Variants in MAPKAP1 observed in about 807,000 individuals in gnomAD.
MAPKAP1 encodes the protein target of rapamycin complex 2 subunit MAPKAP1.
A neutral mutation model predicts 65.7 loss-of-function variants in MAPKAP1; 20 were observed. The observed-to-expected ratio is 0.30, with a 90% CI of 0.21 to 0.44. MAPKAP1 has a LOEUF of 0.44. Ranked by LOEUF, MAPKAP1 falls within the 20% of genes least tolerant of loss-of-function variation. The pLI is 1.00. For missense variants in MAPKAP1, 423 were observed against 648.0 expected (o/e 0.65, Z 3.77); for synonymous variants, 222 against 244.3 (o/e 0.91, Z 0.85).
At chr9:125,509,616 A>C (rs999749047) in intron 7 of MAPKAP1, among the ~76,000 whole-genome samples, 3 of 152,206 alleles carry the variant, frequency 2.0e-5, no homozygotes, top group Admixed American at 2.0e-4. Flanking sequence ...TTTCATGTGA[A>C]GCAACCGTGC....
At chr9:125,703,879 GC>G (rs1474727941) in intron 1 of MAPKAP1, among the ~76,000 whole-genome samples, 2 of 151,796 alleles carry the variant, frequency 1.3e-5, no homozygotes, top group Admixed American at 6.6e-5. Flanking sequence ...ATAACAGATT[GC>G]CAGCAAATTA....
At chr9:125,509,027 A>C (rs376139168) in intron 7 of MAPKAP1, among the ~76,000 whole-genome samples, 2 of 152,066 alleles carry the variant, frequency 1.3e-5, no homozygotes, top group East Asian at 3.8e-4. Context: ...AATTATAATT[A>C]TAAAAATACA....
intron 7 of MAPKAP1, among the ~76,000 whole-genome samples, chr9:125,509,530 T>C (rs1417040715): frequency 1.3e-5 from 2 of 152,216 alleles, no homozygotes; most frequent in African/African-American, 2.4e-5. Context: ...TTAGCACACA[T>C]TGTGGCATCT....
chr9:125,508,036 C>T (rs1287538751), intron 7 of MAPKAP1, among the ~76,000 whole-genome samples: 2 of 151,934 alleles, frequency 1.3e-5, no homozygotes, highest in Non-Finnish European at 2.9e-5. Flanking sequence ...CATGGTGGTG[C>T]GCACCTGTAG....
intron 8 of MAPKAP1, among the ~76,000 whole-genome samples, chr9:125,503,907 T>A: frequency 9.5e-6 from 1 of 104,768 alleles, no homozygotes; most frequent in African/African-American, 3.2e-5. Context: ...TTTTTTTTTT[T>A]TGTATTTTTG....
chr9:125,465,656 C>T (rs916635391), intron 10 of MAPKAP1, among the ~76,000 whole-genome samples: 1 of 152,210 alleles, frequency 6.6e-6, no homozygotes, highest in Admixed American at 6.5e-5. Flanking sequence ...ACTCTGCAGG[C>T]TCCGTGCTAG....
intron 8 of MAPKAP1, among the ~76,000 whole-genome samples, chr9:125,486,619 A>G (rs1419316296): frequency 1.3e-5 from 2 of 152,188 alleles, no homozygotes; most frequent in African/African-American, 4.8e-5. Context: ...ATCATTTATT[A>G]GGAAATTTGT....
At chr9:125,544,440 T>A (rs1161931378) in intron 6 of MAPKAP1, among the ~76,000 whole-genome samples, 1 of 152,078 alleles carries the variant, frequency 6.6e-6, no homozygotes, top group Non-Finnish European at 1.5e-5. Flanking sequence ...AAGCTTCCAA[T>A]TAATCAAACT....
At chr9:125,600,943 A>G (rs1832282393) in intron 4 of MAPKAP1, among the ~76,000 whole-genome samples, 1 of 152,344 alleles carries the variant, frequency 6.6e-6, no homozygotes, top group South Asian at 2.1e-4. Context: ...CACAGAGCAT[A>G]AGTTTAGGGA....
At chr9:125,636,153 T>TG (rs751534027) in intron 4 of MAPKAP1, among the ~76,000 whole-genome samples, 138 of 152,254 alleles carry the variant, frequency 9.1e-4, no homozygotes, top group Non-Finnish European at 1.1e-3. Flanking sequence ...GAGTGAACCC[T>TG]GGGGAACTGC....
intron 10 of MAPKAP1, 147 bp from the exon 11 acceptor site, chr9:125,444,745 C>A: frequency 1.8e-6 from 1 of 562,514 alleles, no homozygotes; most frequent in Non-Finnish European, 3.1e-6. Flanking sequence ...TTCGTTTTCT[C>A]ATTACAGGCT....
In MAPKAP1 at chr9:125,585,713, T is replaced by C. The variant is rs1213980861; in HGVS notation, c.513A>G (p.Thr171=). The change falls in exon 5 of 12, where the codon ACA becomes ACG. Residue 171 remains threonine, a synonymous_variant. Coordinates refer to ENST00000265960, the MANE Select transcript of MAPKAP1 (RefSeq NM_001006617.3). ...AGACATCGATCTTCTTGGTTGCTGT[T>C]GTACCTACATGACCCTGTGGACAGA... is the stretch of plus-strand genomic sequence containing the variant. The part of the protein sequence containing the change: ...SKFDGKGHVG[T]TATKKIDVYL... The C allele has an allele frequency of 6.2e-7, 1 of 1,614,172 alleles. No homozygotes were observed. Among genetic ancestry groups the C allele is most frequent in the East Asian group, 2.2e-5 (1 of 44,876 alleles).
chr9:125,493,222 A>G (rs1478169571), intron 8 of MAPKAP1, among the ~76,000 whole-genome samples: 1 of 152,206 alleles, frequency 6.6e-6, no homozygotes, highest in African/African-American at 2.4e-5. Flanking sequence ...TCTATCTTGA[A>G]GTCTTATTGC....
At chr9:125,482,795 G>A (rs564075624) in intron 9 of MAPKAP1, among the ~76,000 whole-genome samples, 2 of 152,218 alleles carry the variant, frequency 1.3e-5, no homozygotes, top group East Asian at 1.9e-4. Flanking sequence ...AAAAAGGTGG[G>A]GTCTGCTTTG....
At chr9:125,614,327 T>C (rs911022382) in intron 4 of MAPKAP1, among the ~76,000 whole-genome samples, 7 of 152,190 alleles carry the variant, frequency 4.6e-5, no homozygotes, top group Admixed American at 4.6e-4. Flanking sequence ...TAAATCAATA[T>C]AATAATCATA....
intron 9 of MAPKAP1, among the ~76,000 whole-genome samples, chr9:125,474,314 C>T (rs73667004): frequency 0.027 from 4,099 of 152,260 alleles, 187 homozygotes; most frequent in African/African-American, 0.094. Context: ...CTCCTCCTCA[C>T]AACCTCCAAG....
chr9:125,582,501 C>T (rs1324745626), intron 5 of MAPKAP1, among the ~76,000 whole-genome samples: 1 of 152,112 alleles, frequency 6.6e-6, no homozygotes, highest in Non-Finnish European at 1.5e-5. Context: ...ATATTGCCAC[C>T]ACCCTCCACC....
chr9:125,551,105 T>TA (rs902798753), intron 6 of MAPKAP1, among the ~76,000 whole-genome samples: 3 of 152,102 alleles, frequency 2.0e-5, no homozygotes, highest in Admixed American at 6.5e-5. Context: ...AAATAAATGA[T>TA]AAAAAAAGAA....
intron 5 of MAPKAP1, among the ~76,000 whole-genome samples, chr9:125,566,471 C>A (rs914015816): frequency 2.0e-5 from 3 of 151,882 alleles, no homozygotes; most frequent in African/African-American, 4.8e-5. Context: ...AGGTGAAGTG[C>A]GAGGATAGCT....
Sources: gnomAD v4.1 joint callset for allele counts (sites outside exome capture counted in the v4.1 genomes callset) on GRCh38, gnomAD v4.1.1 for gene constraint, MANE v1.5 for transcripts, NCBI Gene and HGNC (gene_info 2026-07-23, HGNC 2026-07-21) for gene names.